DAB1: variants seen among roughly 807,000 people sequenced by gnomAD.
The protein encoded by DAB1 is disabled homolog 1.
In DAB1, 15 loss-of-function variants were observed where a neutral mutation model predicts 64.6. The observed-to-expected ratio is 0.23, with a 90% CI of 0.16 to 0.36. DAB1 has a LOEUF of 0.36. Among genes scored for constraint, DAB1 ranks in the 10% least tolerant of loss-of-function variants. The pLI is 1.00. For synonymous variants in DAB1, 235 were observed against 251.9 expected, an observed-to-expected ratio of 0.93 and a Z score of 0.64; for missense variants, 596 against 706.7, an observed-to-expected ratio of 0.84 and a Z score of 1.78.
chr1:58,172,588 T>A (rs1056458836), intron 4 of DAB1, among the ~76,000 whole-genome samples: 1 of 152,228 alleles, frequency 6.6e-6, no homozygotes, highest in African/African-American at 2.4e-5. Context: ...CAATTGAGCA[T>A]GACTGCCAAC....
chr1:58,181,709 A>C (rs1452038672), intron 4 of DAB1, among the ~76,000 whole-genome samples: 3 of 151,064 alleles, frequency 2.0e-5, no homozygotes, highest in African/African-American at 4.9e-5. Context: ...TTTTGTTAAA[A>C]TATATCTCCA....
intron 7 of DAB1, among the ~76,000 whole-genome samples, chr1:57,435,811 G>T (rs1230082579): frequency 3.3e-5 from 5 of 151,750 alleles, no homozygotes; most frequent in Non-Finnish European, 7.4e-5. Flanking sequence ...TTAAAATAAT[G>T]ATCAGAGTAT....
At chr1:57,397,552 C>G (rs1239283236) in intron 1 of DAB1, among the ~76,000 whole-genome samples, 1 of 152,178 alleles carries the variant, frequency 6.6e-6, no homozygotes, top group Non-Finnish European at 1.5e-5. Flanking sequence ...AGGAAAGGAG[C>G]TAAGTCAGAA....
chr1:58,536,441 C>T (rs112861151), intron 1 of DAB1: 1 of 717,984 alleles, frequency 1.4e-6, no homozygotes, highest in African/African-American at 1.8e-5. Context: ...ACATATCTTT[C>T]ACATTTAAGA....
chr1:57,633,037 G>T (rs1387305571), intron 7 of DAB1, among the ~76,000 whole-genome samples: 1 of 152,160 alleles, frequency 6.6e-6, no homozygotes, highest in Non-Finnish European at 1.5e-5. Flanking sequence ...AGTAAACATG[G>T]CTTTTCCATA....
intron 5 of DAB1, among the ~76,000 whole-genome samples, chr1:58,086,153 C>T (rs1357046588): frequency 6.6e-6 from 1 of 151,048 alleles, no homozygotes; most frequent in East Asian, 2.0e-4. Context: ...TTAGTAGAGA[C>T]GGGGTTTCAC....
chr1:58,498,380 G>A (rs1569895915), intron 3 of DAB1, among the ~76,000 whole-genome samples: 1 of 151,996 alleles, frequency 6.6e-6, no homozygotes, highest in South Asian at 2.1e-4. Flanking sequence ...TATTTCTCCT[G>A]GAAAATGAAA....
At chr1:57,170,005 T>C (rs1311417884) in intron 2 of DAB1, among the ~76,000 whole-genome samples, 3 of 151,562 alleles carry the variant, frequency 2.0e-5, no homozygotes, top group Non-Finnish European at 4.4e-5. Flanking sequence ...TCTTTCTTTT[T>C]TTTTTTTTTA....
At chr1:57,411,396 A>G (rs578252009) in intron 1 of DAB1, among the ~76,000 whole-genome samples, 1 of 152,324 alleles carries the variant, frequency 6.6e-6, no homozygotes, top group African/African-American at 2.4e-5. Flanking sequence ...CTGACCTAAG[A>G]TATGCCTGAA....
intron 1 of DAB1, among the ~76,000 whole-genome samples, chr1:58,527,533 A>T (rs1383400085): frequency 6.6e-6 from 1 of 152,220 alleles, no homozygotes; most frequent in Non-Finnish European, 1.5e-5. Flanking sequence ...ACTTTAAAAA[A>T]TGATAAGGAT....
intron 4 of DAB1, among the ~76,000 whole-genome samples, chr1:57,088,555 G>A (rs1653324657): frequency 6.6e-6 from 1 of 152,168 alleles, no homozygotes; most frequent in African/African-American, 2.4e-5. Flanking sequence ...TTTGATAAAT[G>A]CCAGTTACCC....
At chr1:58,537,116 T>C (rs1226824238) in intron 1 of DAB1, among the ~76,000 whole-genome samples, 1 of 151,920 alleles carries the variant, frequency 6.6e-6, no homozygotes, top group Non-Finnish European at 1.5e-5. Flanking sequence ...TCATTTAATC[T>C]TCATAATAAC....
At chr1:57,395,698 ATTAAT>A (rs928640385) in intron 1 of DAB1, among the ~76,000 whole-genome samples, 23 of 152,002 alleles carry the variant, frequency 1.5e-4, no homozygotes, top group African/African-American at 5.6e-4. Flanking sequence ...GGACTTTTTA[ATTAAT>A]TTAAGTTTAA....
intron 7 of DAB1, among the ~76,000 whole-genome samples, chr1:57,488,703 A>C (rs35770464): frequency 0.14 from 21,792 of 151,832 alleles, 2,084 homozygotes; most frequent in Non-Finnish European, 0.21. Context: ...ATAAAATAAA[A>C]ATAAAAATAA....
At chr1:57,938,435 T>TG (rs952805811) in intron 5 of DAB1, among the ~76,000 whole-genome samples, 3 of 152,158 alleles carry the variant, frequency 2.0e-5, no homozygotes, top group Admixed American at 2.0e-4. Context: ...GATTGGATCA[T>TG]GGGGGCAGTT....
chr1:57,512,050 C>T (rs1369291772), intron 7 of DAB1, among the ~76,000 whole-genome samples: 1 of 152,170 alleles, frequency 6.6e-6, no homozygotes. Flanking sequence ...GAAACTATGT[C>T]CTCCATTTTA....
rs183912635 is a variant in DAB1 at position 57,484,929 on chromosome 1, T to G, written n.625+164663A>C. On this transcript the variant is annotated intron_variant and non_coding_transcript_variant, in intron 7 of 20. Transcript: ENST00000485760. ...AACATTTTCTGGAAAATCACGAGAC[T>G]GTATAATAAAGCGGGTATTGACAAC... Among the ~76,000 whole-genome samples, 11 of 152,294 alleles carry G rather than the reference T, an allele frequency of 7.2e-5. No individual in the cohort carries two copies. In the East Asian group the frequency reaches 2.1e-3, roughly 29 times the overall value.
chr1:58,041,256 G>A (rs1310388284), intron 5 of DAB1, among the ~76,000 whole-genome samples: 4 of 152,126 alleles, frequency 2.6e-5, no homozygotes, highest in Admixed American at 2.0e-4. Context: ...AAATTATTGC[G>A]CTATATTGCA....
At chr1:58,031,476 A>G (rs1161350904) in intron 5 of DAB1, among the ~76,000 whole-genome samples, 1 of 152,206 alleles carries the variant, frequency 6.6e-6, no homozygotes, top group Non-Finnish European at 1.5e-5. Context: ...TTCAGTGAAC[A>G]GGCATGAACG....
Sources: allele counts gnomAD v4.1 joint callset (sites outside exome capture counted in the v4.1 genomes callset), GRCh38; gene constraint gnomAD v4.1.1; transcripts MANE v1.5; gene names NCBI Gene and HGNC (gene_info 2026-07-23, HGNC 2026-07-21).